TAS1R1: variants seen among roughly 807,000 people sequenced by gnomAD.
TAS1R1 encodes taste receptor type 1 member 1.
A neutral mutation model predicts 45.8 loss-of-function variants in TAS1R1; 31 were observed. That is an observed-to-expected ratio of 0.68 (90% CI 0.51 to 0.91). TAS1R1 has a LOEUF of 0.91. Ranked by LOEUF, TAS1R1 falls within the 40% of genes least tolerant of loss-of-function variation. The probability of loss-of-function intolerance (pLI) is 0.00; values close to 1 mark genes in which losing one functional copy is unlikely to be tolerated. For missense variants in TAS1R1, 1,051 were observed against 1,063.9 expected (o/e 0.99, Z 0.17); for synonymous variants, 437 against 448.4 (o/e 0.97, Z 0.32).
chr1:6,573,563 G>A (rs1640075612), intron 2 of TAS1R1, among the ~76,000 whole-genome samples: 1 of 152,216 alleles, frequency 6.6e-6, no homozygotes, highest in Admixed American at 6.5e-5. Context: ...CGGCATCAGG[G>A]ACTGGTTTCG....
intron 3 of TAS1R1, 108 bp from the exon 4 acceptor site, chr1:6,576,307 G>T: frequency 9.6e-7 from 1 of 1,036,540 alleles, no homozygotes; most frequent in South Asian, 1.5e-5. Context: ...CCTTCCTGAT[G>T]GGCTGAAACC....
chr1:6,567,855 A>G (rs1639903835), intron 1 of TAS1R1, among the ~76,000 whole-genome samples: 1 of 152,136 alleles, frequency 6.6e-6, no homozygotes, highest in Non-Finnish European at 1.5e-5. Flanking sequence ...CTCGTGGATT[A>G]GGACTTCTTT....
In TAS1R1 at chr1:6,563,457, G is replaced by A. The variant is rs375436862; in HGVS notation, c.192-7452G>A. Reference sequence around the variant, plus strand: ...TATGCGCCGTGTCAGAGTGTTTTCTGTCGTATCTATGATAGAAAATTTAGC... The same window carrying A: ...TATGCGCCGTGTCAGAGTGTTTTCTATCGTATCTATGATAGAAAATTTAGC... On this transcript the variant is annotated intron_variant, in intron 1 of 5. Transcript: ENST00000333172. Among the ~76,000 whole-genome samples, 6 of 152,198 alleles carry A rather than the reference G, an allele frequency of 3.9e-5. No individual in the cohort carries two copies. The East Asian group carries it at 5.8e-4, about 15-fold the overall frequency.
chr1:6,575,989 C>T (rs567598106), intron 3 of TAS1R1, among the ~76,000 whole-genome samples: 69 of 151,940 alleles, frequency 4.5e-4, no homozygotes, highest in African/African-American at 1.5e-3. Context: ...CCACCGCACC[C>T]GGCCTAATTT....
intron 3 of TAS1R1, among the ~76,000 whole-genome samples, chr1:6,576,108 G>C (rs918904005): frequency 6.6e-6 from 1 of 152,250 alleles, no homozygotes; most frequent in African/African-American, 2.4e-5. Context: ...GGGATTACAG[G>C]CATTAGCTCT....
intron 2 of TAS1R1, among the ~76,000 whole-genome samples, chr1:6,571,862 C>G (rs1640026077): frequency 6.6e-6 from 1 of 152,170 alleles, no homozygotes; most frequent in Non-Finnish European, 1.5e-5. Flanking sequence ...GCTTCCCACC[C>G]CATAGACTGC....
intron 1 of TAS1R1, among the ~76,000 whole-genome samples, chr1:6,562,453 C>A (rs2148668152): frequency 1.3e-5 from 2 of 152,324 alleles, no homozygotes; most frequent in South Asian, 4.1e-4. Context: ...CAGGCATGAG[C>A]CACCGCGCCT....
chr1:6,570,024 G>GAGAGAGAGAGAGAGAGAGAGAGAGAGAGA (rs1553186697), intron 1 of TAS1R1, among the ~76,000 whole-genome samples: 9 of 32,434 alleles, frequency 2.8e-4, no homozygotes, highest in South Asian at 1.4e-3. Context: ...GGAGGGAGGG[G>GAGAGAGAGAGAGAGAGAGAGAGAGAGAGA]GAGAGAGAGA....
rs1329708832 is a variant in TAS1R1 at position 6,579,199 on chromosome 1, A to C, written c.2141A>C (p.His714Pro). The C allele has an allele frequency of 6.2e-7, 1 of 1,614,092 alleles. No homozygotes were observed. The highest frequency in any genetic ancestry group is 2.2e-5 in the East Asian group (1 of 44,878). The change falls in exon 6 of 6, where the codon CAT (histidine) becomes CCT (proline). Residue 714 changes from histidine to proline, a missense_variant. Transcript: ENST00000333172. ...LPAREYQRFP[H>P]LVMLECTETN... The stretch of plus-strand genomic sequence containing the variant: ...GCTAGGGAATACCAGCGCTTCCCCC[A>C]TCTGGTGATGCTTGAGTGCACAGAG...
chr1:6,555,607 G>T (rs1401176966), intron 1 of TAS1R1, 43 bp downstream of exon 1: 1 of 1,514,874 alleles, frequency 6.6e-7, no homozygotes, highest in South Asian at 1.2e-5. Flanking sequence ...GGGACCCCTG[G>T]CTATAGGGCC....
chr1:6,576,548 T>C lies in TAS1R1; in HGVS notation c.1394T>C (p.Val465Ala), dbSNP rs1209541777. 2.5e-6 allele frequency: 4 copies of C among 1,614,114 alleles called. No homozygotes were observed. In the African/African-American group the frequency reaches 5.3e-5, roughly 22 times the overall value. The change falls in exon 4 of 6, where the codon GTC becomes GCC. Residue 465 changes from valine (V) to alanine (A), a missense_variant. Val to Ala is a moderately conservative substitution (Grantham distance 64). Transcript: ENST00000333172. ...AATGGACCCAAGTGGACCTTCACGGTCCTCGGTTCCTCCACATGGTCTCCA... is the reference window on the plus strand; with the variant it reads ...AATGGACCCAAGTGGACCTTCACGGCCCTCGGTTCCTCCACATGGTCTCCA... ...DWNGPKWTFT[V>A]LGSSTWSPVQ...
At position 6,565,361 on chromosome 1, in the gene TAS1R1, G is replaced by A. The variant is rs147757809; in HGVS notation, c.192-5548G>A. ...GTGGGCTGTCGGTGGTGTCTTGACC[G>A]AATGTTGGGTTTTTGCTTTCTAAGG... On this transcript the variant is annotated intron_variant, in intron 1 of 5. Coordinates refer to ENST00000333172, the MANE Select transcript of TAS1R1 (RefSeq NM_138697.4). Among the ~76,000 whole-genome samples the A allele has an allele frequency of 1.5e-3, 232 of 152,170 alleles. 2 individuals carry two copies. The highest frequency in any genetic ancestry group is 0.014 in the Middle Eastern group (4 of 294).
intron 1 of TAS1R1, among the ~76,000 whole-genome samples, chr1:6,569,655 C>T (rs924634455): frequency 6.6e-6 from 1 of 151,986 alleles, no homozygotes; most frequent in African/African-American, 2.4e-5. Flanking sequence ...TGCCGGTCAA[C>T]AAGGATGGTG....
intron 1 of TAS1R1, among the ~76,000 whole-genome samples, chr1:6,557,326 C>T (rs1179593000): frequency 3.3e-5 from 5 of 152,004 alleles, no homozygotes; most frequent in South Asian, 2.1e-4. Flanking sequence ...ACGAACCCTC[C>T]GTTGAGAGAC....
chr1:6,570,641 TTC>T (rs139480045), intron 1 of TAS1R1, among the ~76,000 whole-genome samples: 2 of 152,050 alleles, frequency 1.3e-5, no homozygotes, highest in Admixed American at 6.5e-5. Context: ...ATTTCTCACT[TTC>T]TCTCTCTCTC....
Position 6,575,335 on chromosome 1 carries a change from C to T in TAS1R1, c.1203C>T (p.His401=). The T allele has an allele frequency of 6.2e-7, 1 of 1,609,834 alleles. No individual in the cohort carries two copies. Among genetic ancestry groups the T allele is most frequent in the Non-Finnish European group, 8.5e-7 (1 of 1,178,388 alleles). ...TGTATGCGGTGGCCCATGGCCTCCA[C>T]CAGCTCCTGGGCTGTGCCTCTGGAG... is the stretch of plus-strand genomic sequence containing the variant. The part of the protein sequence containing the change: ...RAVYAVAHGL[H]QLLGCASGAC... The change falls in exon 3 of 6, where the codon CAC becomes CAT. Residue 401 remains histidine, a synonymous_variant. Transcript: ENST00000333172.
At chr1:6,566,665 G>A (rs1052507202) in intron 1 of TAS1R1, among the ~76,000 whole-genome samples, 7 of 152,092 alleles carry the variant, frequency 4.6e-5, no homozygotes, top group African/African-American at 1.4e-4. Flanking sequence ...GCGCTATCTC[G>A]GCTCACTGCA....
In TAS1R1 at chr1:6,571,184, C is replaced by A. The variant is rs770349140; in HGVS notation, c.467C>A (p.Ala156Asp). 6.3e-7 allele frequency: 1 copy of A among 1,589,842 alleles called. No individual in the cohort carries two copies. The highest frequency in any genetic ancestry group is 1.1e-5 in the South Asian group (1 of 86,988). Reference sequence around the variant, plus strand: ...AGCACCAACCGTGCTGCCACCACAGCCGCCCTGCTGAGCCCTTTCCTGGTG... The same window carrying A: ...AGCACCAACCGTGCTGCCACCACAGACGCCCTGCTGAGCCCTTTCCTGGTG... ...PDSTNRAATT[A>D]ALLSPFLVPM... The change falls in exon 2 of 6, where the codon GCC becomes GAC. Residue 156 changes from alanine to aspartate, a missense_variant. Ala to Asp is a moderately radical substitution (Grantham distance 126, BLOSUM62 -2). Transcript: ENST00000333172.
At chr1:6,570,366 G>C (rs1183571427) in intron 1 of TAS1R1, among the ~76,000 whole-genome samples, 1 of 151,702 alleles carries the variant, frequency 6.6e-6, no homozygotes, top group East Asian at 1.9e-4. Flanking sequence ...GAGAAAAGGA[G>C]GGGATGGAGA....
Sources: allele counts gnomAD v4.1 joint callset (sites outside exome capture counted in the v4.1 genomes callset), GRCh38; gene constraint gnomAD v4.1.1; transcripts MANE v1.5; gene names NCBI Gene and HGNC (gene_info 2026-07-23, HGNC 2026-07-21).